NBPF9: variants seen among roughly 807,000 people sequenced by gnomAD.
NBPF9 encodes NBPF family member NBPF9.
NBPF9 carries 91 observed loss-of-function variants against 97.8 expected under a neutral mutation model. The ratio of observed to expected loss-of-function variants is 0.93; its 90% CI spans 0.79 to 1.11. The LOEUF is 1.11. NBPF9 is among the 50% of genes least tolerant of loss of function. The pLI, the probability that NBPF9 is intolerant of heterozygous loss-of-function variation, is 0.00. For missense variants in NBPF9, 992 were observed against 939.5 expected (o/e 1.06, Z -0.73); for synonymous variants, 334 against 359.5 (o/e 0.93, Z 0.80).
chr1:149,055,919 T>A lies in NBPF9; in HGVS notation c.3093-20A>T. 1 of 1,611,150 alleles carries A rather than the reference T, an allele frequency of 6.2e-7. No homozygotes were observed. The highest frequency in any genetic ancestry group is 2.2e-5 in the East Asian group (1 of 44,770). On this transcript the variant is annotated intron_variant, in intron 29 of 29. Transcript: ENST00000584027. ...TTGAGCCTGGAAAAGGAGACAAAAC[T>A]AAAGAAGCAGCCAGGGAAAATCAGA...
chr1:149,052,186 T>A (rs672482), downstream of NBPF9, among the ~76,000 whole-genome samples: 22,161 of 149,562 alleles, frequency 0.15, 2,045 homozygotes, highest in Non-Finnish European at 0.21. Context: ...TGACACAGAG[T>A]TAGGTAAAGT....
intron 18 of NBPF9, 179 bp from the exon 19 acceptor site, chr1:149,064,661 T>C: frequency 4.9e-6 from 3 of 613,658 alleles, no homozygotes; most frequent in South Asian, 2.0e-5. Context: ...GCTTGGGTTC[T>C]TTCATGAGCC....
At chr1:149,062,241 C>G (rs782079118) in exon 22 of NBPF9, 24 of 902,000 alleles carry the variant, frequency 2.7e-5, no homozygotes, top group Non-Finnish European at 4.5e-5. Flanking sequence ...CAGGCTCTTT[C>G]TCATCCAGCA....
intron 11 of NBPF9, among the ~76,000 whole-genome samples, 188 bp downstream of exon 11, chr1:149,077,020 C>G (rs1255284273): frequency 1.3e-5 from 2 of 150,664 alleles, no homozygotes; most frequent in African/African-American, 2.4e-5. Flanking sequence ...GTCTTCAACT[C>G]CTGAACTCAA....
intron 8 of NBPF9, among the ~76,000 whole-genome samples, chr1:149,079,693 G>A (rs1326483254): frequency 1.7e-4 from 26 of 151,594 alleles, no homozygotes; most frequent in Non-Finnish European, 2.4e-4. Context: ...AGAATGAGAA[G>A]CCGCAGTCAG....
intron 27 of NBPF9, among the ~76,000 whole-genome samples, chr1:149,057,731 AC>A (rs1253782825): frequency 1.4e-4 from 14 of 100,428 alleles, no homozygotes; most frequent in African/African-American, 4.4e-4. Flanking sequence ...ACACACACAC[AC>A]ACACACACAC....
intron 3 of NBPF9, among the ~76,000 whole-genome samples, chr1:149,101,015 A>C (rs1443457184): frequency 3.3e-5 from 5 of 151,798 alleles, no homozygotes; most frequent in Admixed American, 2.0e-4. Flanking sequence ...CTCCTAGGTT[A>C]GGCATTGATT....
In NBPF9 at chr1:149,063,109, A is replaced by G. The variant is rs1220429434; in HGVS notation, c.2027-196T>C. On this transcript the variant is annotated intron_variant, in intron 20 of 29. Transcript: ENST00000584027. ...GTTTTTGTCCCAGAAACTGTGGGTA[A>G]AATTCCCTATTCTGGTAGACCGTTA... Among the ~76,000 whole-genome samples the G allele has an allele frequency of 4.2e-5, 6 of 143,360 alleles. No individual in the cohort carries two copies. The East Asian group carries it at 1.2e-3, about 30-fold the overall frequency. The allele number at this position is 143,360 out of a possible 152,430, so 94.0% of individuals were successfully genotyped here. A position where few individuals can be genotyped will look rare whatever the true frequency, so the allele number is the denominator to read the frequency against.
intron 5 of NBPF9, among the ~76,000 whole-genome samples, chr1:149,084,611 C>T (rs1553657924): frequency 6.6e-6 from 1 of 150,938 alleles, no homozygotes; most frequent in Non-Finnish European, 1.5e-5. Context: ...CAGGTGGACA[C>T]CTCCATCTAC....
rs61093688 is a variant in NBPF9, at chr1:149,087,318, A to AAT, written c.-195+3433_-195+3434dup. Among the ~76,000 whole-genome samples, 671 of 146,472 alleles carry AAT rather than the reference A, an allele frequency of 4.6e-3. 10 individuals carry two copies. Among genetic ancestry groups the AAT allele is most frequent in the East Asian group, 0.043 (179 of 4,184 alleles). ...GGAGATGATAATCTTCAAAACGGTG[A>AAT]ATATATATATATATACACACACACA... On this transcript the variant is annotated intron_variant, in intron 5 of 29. Coordinates refer to ENST00000584027, the Ensembl canonical transcript of NBPF9.
intron 26 of NBPF9, chr1:149,058,661 C>T (rs1369478198): frequency 1.1e-5 from 3 of 282,114 alleles, no homozygotes; most frequent in Non-Finnish European, 1.3e-5. Context: ...GAATTTTTTA[C>T]ATCTGCCTGG....
rs587617203 is a variant in NBPF9 at position 149,072,367 on chromosome 1, A to G, written c.1306+351T>C. Reference sequence around the variant, plus strand: ...TCACTCTCTGACAGTAACTAAGAACATTGCCGAAAAGACAGCCTGGGAACC... The same window carrying G: ...TCACTCTCTGACAGTAACTAAGAACGTTGCCGAAAAGACAGCCTGGGAACC... On this transcript the variant is annotated intron_variant, in intron 14 of 29. Transcript: ENST00000584027. 9.2e-5 allele frequency among the ~76,000 whole-genome samples: 14 copies of G among 152,260 alleles called. No individual in the cohort carries two copies. The East Asian group carries it at 2.7e-3, about 30-fold the overall frequency.
chr1:149,053,915 G>GACACAC (rs1294626587), downstream of NBPF9: 3 of 135,868 alleles, frequency 2.2e-5, 1 homozygote, highest in African/African-American at 9.1e-5. Flanking sequence ...CACACACACA[G>GACACAC]ACACACACAC....
At position 149,072,933 on chromosome 1, in the gene NBPF9, C is replaced by G; in HGVS notation, c.1092-1G>C. The G allele has an allele frequency of 6.2e-7, 1 of 1,606,748 alleles. No individual in the cohort carries two copies. The highest frequency in any genetic ancestry group is 8.5e-7 in the Non-Finnish European group (1 of 1,175,718). On this transcript the variant is annotated splice_acceptor_variant, in intron 13 of 29. Transcript: ENST00000584027. LOFTEE classifies it high-confidence loss of function. The stretch of plus-strand genomic sequence containing the variant: ...AGCGTGAACCAGGACTTTATATTGC[C>G]TAAGGTGAGATGGTAGAGAAAAATT...
intron 13 of NBPF9, among the ~76,000 whole-genome samples, 179 bp from the exon 14 acceptor site, chr1:149,073,111 T>C (rs1553653387): frequency 1.3e-5 from 2 of 149,460 alleles, no homozygotes; most frequent in South Asian, 4.3e-4. Flanking sequence ...ACAGGCTTCC[T>C]CTGTATCAGA....
chr1:149,081,080 C>G (rs1344368439), intron 7 of NBPF9, among the ~76,000 whole-genome samples: 1 of 151,982 alleles, frequency 6.6e-6, no homozygotes, highest in Non-Finnish European at 1.5e-5. Flanking sequence ...TTCACTCTCA[C>G]CAAGGTACTC....
chr1:149,084,364 TAC>T (rs2080808172), intron 5 of NBPF9, among the ~76,000 whole-genome samples: 1 of 147,578 alleles, frequency 6.8e-6, no homozygotes, highest in South Asian at 2.1e-4. Flanking sequence ...TGTATATACA[TAC>T]GTGTGTATAT....
chr1:149,073,165 C>T (rs373250664), intron 13 of NBPF9, among the ~76,000 whole-genome samples: 4 of 148,508 alleles, frequency 2.7e-5, no homozygotes, highest in South Asian at 4.4e-4. Context: ...TTCATCTTTC[C>T]CTTCTGTAAA....
intron 24 of NBPF9, chr1:149,060,059 C>A: frequency 3.0e-6 from 1 of 332,358 alleles, no homozygotes; most frequent in Non-Finnish European, 5.5e-6. Context: ...CAAATTTGTG[C>A]AAACAGTTAT....
Sources: gnomAD v4.1 joint callset for allele counts (sites outside exome capture counted in the v4.1 genomes callset) on GRCh38, gnomAD v4.1.1 for gene constraint, MANE v1.5 for transcripts, NCBI Gene and HGNC (gene_info 2026-07-23, HGNC 2026-07-21) for gene names.